Variants in CTNNA3 observed in about 807,000 individuals in gnomAD.
CTNNA3 encodes catenin alpha-3.
In CTNNA3, 76 loss-of-function variants were observed where a neutral mutation model predicts 95.7. That is an observed-to-expected ratio of 0.79 (90% confidence interval 0.66 to 0.96). The LOEUF (loss-of-function observed/expected upper bound fraction) is 0.96, where lower values mean the gene tolerates loss of function less well. Among genes scored for constraint, CTNNA3 ranks in the 40% least tolerant of loss-of-function variants. The probability of loss-of-function intolerance (pLI) is 0.00; values close to 1 mark genes in which losing one functional copy is unlikely to be tolerated. For synonymous variants in CTNNA3, 431 were observed against 374.4 expected, an observed-to-expected ratio of 1.15 and a Z score of -1.74; for missense variants, 1,191 against 1,089.8, an observed-to-expected ratio of 1.09 and a Z score of -1.31.
intron 5 of CTNNA3, among the ~76,000 whole-genome samples, chr10:67,504,390 C>T (rs889126116): frequency 2.3e-4 from 30 of 128,690 alleles, no homozygotes; most frequent in Non-Finnish European, 3.4e-4. Context: ...GCACTGAAAT[C>T]GCACCACTGC....
intron 9 of CTNNA3, among the ~76,000 whole-genome samples, chr10:66,737,452 G>A (rs1327682166): frequency 2.0e-5 from 3 of 152,016 alleles, no homozygotes; most frequent in African/African-American, 7.2e-5. Flanking sequence ...TTTTATTGGA[G>A]CATATTTTCA....
chr10:67,087,890 T>C (rs568620200), intron 7 of CTNNA3, among the ~76,000 whole-genome samples: 1 of 152,154 alleles, frequency 6.6e-6, no homozygotes, highest in East Asian at 1.9e-4. Context: ...TAGTGCTTAA[T>C]AAGTATAAGG....
At chr10:67,143,369 C>A (rs1005007069) in intron 7 of CTNNA3, among the ~76,000 whole-genome samples, 2 of 142,646 alleles carry the variant, frequency 1.4e-5, no homozygotes. Flanking sequence ...TTGTAGTGAG[C>A]CGAAATCACG....
intron 15 of CTNNA3, among the ~76,000 whole-genome samples, chr10:66,052,965 T>G (rs1291870464): frequency 6.6e-6 from 1 of 152,064 alleles, no homozygotes; most frequent in Non-Finnish European, 1.5e-5. Context: ...TGAAAAAAAT[T>G]CTATGCATAG....
At chr10:66,270,775 G>A (rs1317807416) in intron 13 of CTNNA3, among the ~76,000 whole-genome samples, 1 of 152,036 alleles carries the variant, frequency 6.6e-6, no homozygotes, top group Admixed American at 6.6e-5. Context: ...GCAGAGTCTT[G>A]GAAGAGAGCA....
At chr10:66,462,092 G>A (rs1721319812) in intron 11 of CTNNA3, among the ~76,000 whole-genome samples, 1 of 152,018 alleles carries the variant, frequency 6.6e-6, no homozygotes, top group African/African-American at 2.4e-5. Context: ...TTACAGGCAT[G>A]AGCCACCACG....
chr10:66,932,188 T>G (rs1482571618), intron 7 of CTNNA3, among the ~76,000 whole-genome samples: 1 of 152,198 alleles, frequency 6.6e-6, no homozygotes, highest in African/African-American at 2.4e-5. Flanking sequence ...AGGTGATGAT[T>G]CATGGATAAT....
At chr10:67,476,721 A>G (rs536778833) in intron 5 of CTNNA3, among the ~76,000 whole-genome samples, 14 of 151,304 alleles carry the variant, frequency 9.3e-5, no homozygotes, top group Non-Finnish European at 1.6e-4. Context: ...AGCCTGAGCC[A>G]CCCTACACTT....
intron 12 of CTNNA3, among the ~76,000 whole-genome samples, chr10:66,364,066 T>C (rs1589144296): frequency 6.6e-6 from 1 of 152,156 alleles, no homozygotes; most frequent in East Asian, 1.9e-4. Context: ...GGTTTTAATA[T>C]CTACAAATAT....
At chr10:66,658,298 A>G (rs552141632) in intron 9 of CTNNA3, among the ~76,000 whole-genome samples, 3 of 151,930 alleles carry the variant, frequency 2.0e-5, no homozygotes, top group South Asian at 4.2e-4. Flanking sequence ...GAAGAGCTAG[A>G]TTGGATACTC....
chr10:66,678,329 T>C (rs1408631013), intron 9 of CTNNA3, among the ~76,000 whole-genome samples: 1 of 152,136 alleles, frequency 6.6e-6, no homozygotes, highest in African/African-American at 2.4e-5. Flanking sequence ...ATTCCCTACC[T>C]GCAGTCTTTT....
intron 5 of CTNNA3, among the ~76,000 whole-genome samples, chr10:67,306,457 C>G (rs1209693053): frequency 1.3e-5 from 2 of 152,146 alleles, no homozygotes; most frequent in Non-Finnish European, 1.5e-5. Context: ...AAAGAAAACT[C>G]TCAGGTACAC....
chr10:66,257,272 A>T (rs976916776), intron 13 of CTNNA3, among the ~76,000 whole-genome samples: 2 of 152,144 alleles, frequency 1.3e-5, no homozygotes, highest in African/African-American at 4.8e-5. Flanking sequence ...GGGGCCAGTT[A>T]TTCATCTTTA....
At chr10:66,479,104 C>T (rs1197716905) in intron 11 of CTNNA3, among the ~76,000 whole-genome samples, 1 of 151,846 alleles carries the variant, frequency 6.6e-6, no homozygotes, top group African/African-American at 2.4e-5. Flanking sequence ...CATCTAGTTA[C>T]ATTTTTTAAT....
chr10:66,324,115 T>C (rs1223934141), intron 12 of CTNNA3, among the ~76,000 whole-genome samples: 1 of 151,720 alleles, frequency 6.6e-6, no homozygotes, highest in Non-Finnish European at 1.5e-5. Flanking sequence ...AGGTCAGGGG[T>C]TCCAGTCCAG....
intron 10 of CTNNA3, among the ~76,000 whole-genome samples, chr10:66,581,707 A>G (rs1461063333): frequency 1.3e-5 from 2 of 151,568 alleles, no homozygotes; most frequent in African/African-American, 4.8e-5. Flanking sequence ...CTTAGTTATA[A>G]ATTATTTGCC....
At chr10:66,482,333 A>C (rs1231068050) in intron 11 of CTNNA3, among the ~76,000 whole-genome samples, 1 of 152,160 alleles carries the variant, frequency 6.6e-6, no homozygotes, top group African/African-American at 2.4e-5. Context: ...GACTATCTTT[A>C]ACTACCAGTA....
intron 4 of CTNNA3, among the ~76,000 whole-genome samples, chr10:67,526,195 A>C (rs1840138797): frequency 6.6e-6 from 1 of 152,208 alleles, no homozygotes. Flanking sequence ...ATCAAAAATA[A>C]AGTATTACAG....
intron 9 of CTNNA3, among the ~76,000 whole-genome samples, chr10:66,693,359 A>G (rs934833317): frequency 6.9e-6 from 1 of 144,298 alleles, no homozygotes; most frequent in Admixed American, 6.8e-5. Flanking sequence ...CAAAAGAGAC[A>G]AAGAAGGCCA....
Sources: gnomAD v4.1 joint callset for allele counts (sites outside exome capture counted in the v4.1 genomes callset) on GRCh38, gnomAD v4.1.1 for gene constraint, MANE v1.5 for transcripts, NCBI Gene and HGNC (gene_info 2026-07-23, HGNC 2026-07-21) for gene names.